Variants in TGFBI observed in about 807,000 individuals in gnomAD.
TGFBI encodes the protein transforming growth factor beta induced.
A neutral mutation model predicts 73.7 loss-of-function variants in TGFBI; 50 were observed. The ratio of observed to expected loss-of-function variants is 0.68; its 90% CI spans 0.54 to 0.86. TGFBI has a LOEUF of 0.86. Ranked by LOEUF, TGFBI falls within the 40% of genes least tolerant of loss-of-function variation. The probability of loss-of-function intolerance (pLI) is 0.00; values close to 1 mark genes in which losing one functional copy is unlikely to be tolerated. For missense variants in TGFBI, 839 were observed against 877.0 expected, an observed-to-expected ratio of 0.96 and a Z score of 0.55; for synonymous variants, 362 against 360.5, an observed-to-expected ratio of 1.00 and a Z score of -0.05.
chr5:136,040,840 G>A (rs1278707367), intron 2 of TGFBI, among the ~76,000 whole-genome samples: 8 of 152,172 alleles, frequency 5.3e-5, no homozygotes, highest in Admixed American at 4.6e-4. Context: ...TCATCCTGGA[G>A]GAATGGCATC....
At chr5:136,046,797 T>C in intron 4 of TGFBI, 54 bp from the exon 5 acceptor site, 1 of 1,566,238 alleles carries the variant, frequency 6.4e-7, no homozygotes, top group Non-Finnish European at 8.7e-7. Context: ...CAAGGACCCA[T>C]CTCTTAAACA....
At chr5:136,054,952 G>A (rs1444717262) in intron 10 of TGFBI, 91 bp downstream of exon 10, 1 of 1,460,272 alleles carries the variant, frequency 6.8e-7, no homozygotes, top group African/African-American at 1.4e-5. Flanking sequence ...ATAAGCAGGA[G>A]TTTGCATGAG....
intron 1 of TGFBI, 118 bp from the exon 2 acceptor site, chr5:136,033,645 G>T: frequency 1.3e-6 from 1 of 777,870 alleles, no homozygotes; most frequent in Non-Finnish European, 2.2e-6. Context: ...AGACTGAAAT[G>T]ACTCTCTCCT....
intron 1 of TGFBI, among the ~76,000 whole-genome samples, chr5:136,032,492 T>G (rs1404862666): frequency 2.6e-5 from 4 of 152,230 alleles, no homozygotes; most frequent in Non-Finnish European, 5.9e-5. Flanking sequence ...TAGTTTTTAC[T>G]GCAATATTGG....
At chr5:136,056,416 T>A (rs1751632636) in intron 11 of TGFBI, 1 of 470,166 alleles carries the variant, frequency 2.1e-6, no homozygotes, top group Non-Finnish European at 3.8e-6. Flanking sequence ...CCCTCCTTTC[T>A]CCTGTGGCCT....
intron 2 of TGFBI, among the ~76,000 whole-genome samples, chr5:136,035,639 AAAAAG>A (rs1281648009): frequency 2.7e-5 from 4 of 149,674 alleles, no homozygotes; most frequent in Admixed American, 6.7e-5. Context: ...AAAAAAAAAA[AAAAAG>A]AAAAGAAAAC....
At position 136,053,115 on chromosome 5, in the gene TGFBI, C is replaced by G; in HGVS notation, c.1122C>G (p.Asp374Glu). The change falls in exon 8 of 17, where the codon GAC (aspartate) becomes GAG (glutamate). Residue 374 changes from aspartate to glutamate, a missense_variant. Asp to Glu is a conservative substitution (Grantham distance 45, BLOSUM62 2). Coordinates refer to ENST00000442011, the MANE Select transcript of TGFBI (RefSeq NM_000358.3). Reference sequence around the variant, plus strand: ...ACATTGATGAGCTACTCATCCCAGACTCAGGTAGGCCAGGCCTCCGGGGGC... The same window carrying G: ...ACATTGATGAGCTACTCATCCCAGAGTCAGGTAGGCCAGGCCTCCGGGGGC... ...IHYIDELLIP[D>E]SAKTLFELAA... 6.2e-7 allele frequency: 1 copy of G among 1,613,858 alleles called. No individual in the cohort carries two copies. The highest frequency in any genetic ancestry group is 2.2e-5 in the East Asian group (1 of 44,880).
At chr5:136,045,707 T>C (rs1751416586) in intron 3 of TGFBI, 1 of 151,320 alleles carries the variant, frequency 6.6e-6, no homozygotes, top group Non-Finnish European at 1.5e-5. Flanking sequence ...GGTGGGGAAA[T>C]GGGATGGGAA....
intron 4 of TGFBI, 81 bp from the exon 5 acceptor site, chr5:136,046,770 C>T (rs974527307): frequency 3.3e-6 from 5 of 1,499,362 alleles, no homozygotes; most frequent in African/African-American, 1.4e-5. Flanking sequence ...GGGCTGAGAA[C>T]ATGTTTCCCA....
chr5:136,047,625 A>T (rs574892634), intron 6 of TGFBI: 149 of 647,018 alleles, frequency 2.3e-4, no homozygotes, highest in African/African-American at 2.1e-3. Context: ...CATCTTCTTT[A>T]TAAAGTGTTC....
rs200584946 is a variant in TGFBI at position 136,054,098 on chromosome 5, T to A, written c.1264+18T>A. 2 of 1,610,208 alleles carry A rather than the reference T, an allele frequency of 1.2e-6. No individual in the cohort carries two copies. The highest frequency in any genetic ancestry group is 1.3e-5 in the African/African-American group (1 of 74,962). On this transcript the variant is annotated intron_variant, in intron 9 of 16. Coordinates refer to ENST00000442011, the MANE Select transcript of TGFBI (RefSeq NM_000358.3). ...ATTCAAAGGTAACATGGGGAAGGCA[T>A]CCCTGTTAGATTGTCCCTGGAGGCA...
intron 1 of TGFBI, among the ~76,000 whole-genome samples, chr5:136,032,780 C>T (rs376593424): frequency 6.6e-6 from 1 of 152,152 alleles, no homozygotes; most frequent in South Asian, 2.1e-4. Context: ...ACAGCAGCTT[C>T]CTTTCCCTAG....
At chr5:136,046,817 CA>C in intron 4 of TGFBI, 33 bp from the exon 5 acceptor site, 1 of 1,598,620 alleles carries the variant, frequency 6.3e-7, no homozygotes, top group Admixed American at 1.7e-5. Flanking sequence ...ACAGAGTCTG[CA>C]GCCCCTAACT....
In TGFBI at chr5:136,036,160, G is replaced by A. The variant is rs113105691; in HGVS notation, c.233+2299G>A. 3.5e-3 allele frequency among the ~76,000 whole-genome samples: 539 copies of A among 152,246 alleles called. 6 individuals carry two copies. Among genetic ancestry groups the A allele is most frequent in the African/African-American group, 0.012 (518 of 41,550 alleles). On this transcript the variant is annotated intron_variant, in intron 2 of 16. Coordinates refer to ENST00000442011, the MANE Select transcript of TGFBI (RefSeq NM_000358.3). The stretch of plus-strand genomic sequence containing the variant: ...TATGATAATGTGGTGATGTGGTGGC[G>A]CAGCTCCCTTACCCAGTGAGCACAA...
chr5:136,042,131 C>T (rs1206923932), intron 2 of TGFBI, among the ~76,000 whole-genome samples: 1 of 152,308 alleles, frequency 6.6e-6, no homozygotes, highest in African/African-American at 2.4e-5. Flanking sequence ...AGTAATACAG[C>T]CCTGGAATTT....
At position 136,054,958 on chromosome 5, in the gene TGFBI, A is replaced by C. The variant is rs45562137; in HGVS notation, c.1410+97A>C. The C allele has an allele frequency of 5.9e-4, 842 of 1,415,840 alleles. 2 individuals carry two copies. In the African/African-American group the frequency reaches 0.011, roughly 18 times the overall value. The allele number at this position is 1,415,840 out of a possible 1,614,324, so 87.7% of individuals were successfully genotyped here. On this transcript the variant is annotated intron_variant, in intron 10 of 16. Transcript: ENST00000442011. ...ATGTCCTCAATAAGCAGGAGTTTGC[A>C]TGAGAACTGGTTGCTGACAAGGAAG... is the stretch of plus-strand genomic sequence containing the variant.
At chr5:136,043,367 A>T (rs1255369017) in intron 2 of TGFBI, among the ~76,000 whole-genome samples, 6 of 152,242 alleles carry the variant, frequency 3.9e-5, no homozygotes, top group Non-Finnish European at 5.9e-5. Flanking sequence ...CAAACCAGAA[A>T]ACAAAAGTTC....
intron 6 of TGFBI, chr5:136,048,964 T>TTAA: frequency 1.3e-5 from 2 of 154,124 alleles, no homozygotes; most frequent in Non-Finnish European, 2.9e-5. Context: ...GATCCTTCCA[T>TTAA]GCATGGGCTC....
At chr5:136,056,423 G>A in intron 11 of TGFBI, 1 of 482,290 alleles carries the variant, frequency 2.1e-6, no homozygotes, top group Non-Finnish European at 3.7e-6. Context: ...TTCTCCTGTG[G>A]CCTCTGACGT....
Sources: gnomAD v4.1 joint callset for allele counts (sites outside exome capture counted in the v4.1 genomes callset) on GRCh38, gnomAD v4.1.1 for gene constraint, MANE v1.5 for transcripts, NCBI Gene and HGNC (gene_info 2026-07-23, HGNC 2026-07-21) for gene names.